DNER: variants seen among roughly 807,000 people sequenced by gnomAD.
The protein encoded by DNER is delta and Notch-like epidermal growth factor-related receptor.
Under a neutral mutation model 78.2 loss-of-function variants are expected in DNER, and 33 were observed. The observed-to-expected ratio is 0.42, with a 90% CI of 0.32 to 0.56. The LOEUF is 0.56. Among genes scored for constraint, DNER ranks in the 20% least tolerant of loss-of-function variants. The probability of loss-of-function intolerance (pLI) is 0.11; values close to 1 mark genes in which losing one functional copy is unlikely to be tolerated. For synonymous variants in DNER, 417 were observed against 384.8 expected (o/e 1.08, Z -0.98); for missense variants, 918 against 975.3 (o/e 0.94, Z 0.78).
At chr2:229,585,272 A>G (rs1040184260) in intron 4 of DNER, among the ~76,000 whole-genome samples, 1 of 152,246 alleles carries the variant, frequency 6.6e-6, no homozygotes, top group Non-Finnish European at 1.5e-5. Flanking sequence ...AGCATTCAGT[A>G]CCAAAGATCA....
chr2:229,608,126 A>G (rs2154215083), intron 1 of DNER, among the ~76,000 whole-genome samples: 1 of 151,768 alleles, frequency 6.6e-6, no homozygotes, highest in South Asian at 2.1e-4. Context: ...ATAAATATCT[A>G]ACTTATACCA....
At chr2:229,663,486 A>T (rs1185086851) in intron 1 of DNER, among the ~76,000 whole-genome samples, 1 of 152,222 alleles carries the variant, frequency 6.6e-6, no homozygotes, top group African/African-American at 2.4e-5. Context: ...TTATAATTTG[A>T]CATACTTGTA....
chr2:229,638,358 A>G (rs1279436684), intron 1 of DNER, among the ~76,000 whole-genome samples: 5 of 152,240 alleles, frequency 3.3e-5, no homozygotes, highest in Non-Finnish European at 7.3e-5. Context: ...GCAGTATAGT[A>G]TTCACCTAAA....
intron 11 of DNER, among the ~76,000 whole-genome samples, chr2:229,375,909 G>T (rs6717483): frequency 0.019 from 2,953 of 152,258 alleles, 91 homozygotes; most frequent in African/African-American, 0.067. Flanking sequence ...ACAGGTGGAA[G>T]TAACTGAATC....
At chr2:229,610,739 TCCTTTC>T (rs1201807647) in intron 1 of DNER, among the ~76,000 whole-genome samples, 1 of 152,166 alleles carries the variant, frequency 6.6e-6, no homozygotes, top group Admixed American at 6.5e-5. Flanking sequence ...CAGGCTGCAG[TCCTTTC>T]ATGATACTTA....
chr2:229,412,950 T>C (rs143600905), intron 9 of DNER, among the ~76,000 whole-genome samples: 38 of 152,286 alleles, frequency 2.5e-4, no homozygotes, highest in African/African-American at 8.7e-4. Flanking sequence ...AGAGCCATGG[T>C]TGAAAAAGCA....
At chr2:229,532,811 A>T (rs1486704931) in intron 5 of DNER, among the ~76,000 whole-genome samples, 5 of 152,232 alleles carry the variant, frequency 3.3e-5, no homozygotes, top group Non-Finnish European at 7.3e-5. Flanking sequence ...TTTCAACAGA[A>T]CTTGGGGGAA....
chr2:229,391,148 T>G (rs557459913), intron 10 of DNER, among the ~76,000 whole-genome samples: 35 of 152,364 alleles, frequency 2.3e-4, no homozygotes, highest in African/African-American at 8.4e-4. Context: ...TTACGCAAAG[T>G]GTTTGAAGAT....
intron 11 of DNER, among the ~76,000 whole-genome samples, chr2:229,387,501 A>AAGAGAGAGAG (rs1353935134): frequency 2.1e-5 from 2 of 97,300 alleles, no homozygotes; most frequent in East Asian, 9.6e-4. Context: ...GAAAGAAAGA[A>AAGAGAGAGAG]AGAAAGAGAG....
chr2:229,649,059 C>T (rs1698767997), intron 1 of DNER, among the ~76,000 whole-genome samples: 1 of 152,130 alleles, frequency 6.6e-6, no homozygotes, highest in East Asian at 1.9e-4. Context: ...AGGTCACTGA[C>T]CCTTGTAGTT....
chr2:229,392,865 A>G (rs1467069121), intron 10 of DNER, among the ~76,000 whole-genome samples: 3 of 152,166 alleles, frequency 2.0e-5, no homozygotes, highest in African/African-American at 7.2e-5. Context: ...ATAAAATCCA[A>G]TCACTCAACA....
intron 4 of DNER, among the ~76,000 whole-genome samples, chr2:229,556,717 A>C (rs1384069416): frequency 6.6e-6 from 1 of 152,206 alleles, no homozygotes; most frequent in African/African-American, 2.4e-5. Context: ...TATTAGCTTT[A>C]TTTGCTTATT....
chr2:229,706,855 T>C (rs1699834730), intron 1 of DNER, among the ~76,000 whole-genome samples: 1 of 152,140 alleles, frequency 6.6e-6, no homozygotes, highest in Non-Finnish European at 1.5e-5. Flanking sequence ...GGATTACAGG[T>C]GTAAGCCGCC....
At chr2:229,566,149 C>T (rs928312325) in intron 4 of DNER, among the ~76,000 whole-genome samples, 3 of 152,034 alleles carry the variant, frequency 2.0e-5, no homozygotes, top group Admixed American at 6.6e-5. Flanking sequence ...TTAGGGAGTC[C>T]GGGAATCAGG....
At chr2:229,596,945 A>G (rs1192423148) in intron 1 of DNER, among the ~76,000 whole-genome samples, 1 of 152,048 alleles carries the variant, frequency 6.6e-6, no homozygotes, top group African/African-American at 2.4e-5. Flanking sequence ...ATGCACATGC[A>G]TGCACATGCA....
intron 4 of DNER, among the ~76,000 whole-genome samples, chr2:229,554,221 G>C (rs1696803535): frequency 6.6e-6 from 1 of 152,192 alleles, no homozygotes; most frequent in Non-Finnish European, 1.5e-5. Context: ...TCAATGCTAA[G>C]AATGTTTTTA....
At chr2:229,682,824 G>A (rs1283633156) in intron 1 of DNER, among the ~76,000 whole-genome samples, 1 of 152,088 alleles carries the variant, frequency 6.6e-6, no homozygotes, top group Non-Finnish European at 1.5e-5. Context: ...CTCCAGCCTG[G>A]GGGACAGAGC....
intron 7 of DNER, among the ~76,000 whole-genome samples, chr2:229,460,852 G>A (rs573259607): frequency 7.0e-6 from 1 of 142,714 alleles, no homozygotes; most frequent in African/African-American, 2.8e-5. Flanking sequence ...AAAATTTAAC[G>A]GAGACCACAT....
intron 1 of DNER, among the ~76,000 whole-genome samples, chr2:229,653,672 C>T (rs1698860993): frequency 6.6e-6 from 1 of 152,130 alleles, no homozygotes; most frequent in South Asian, 2.1e-4. Context: ...AGTAAATGCT[C>T]CATCACCAAG....
Sources: gnomAD v4.1 joint callset for allele counts (sites outside exome capture counted in the v4.1 genomes callset) on GRCh38, gnomAD v4.1.1 for gene constraint, MANE v1.5 for transcripts, NCBI Gene and HGNC (gene_info 2026-07-23, HGNC 2026-07-21) for gene names.